The following TIPIN variants were observed in gnomAD, a reference collection of about 807,000 sequenced individuals.
TIPIN encodes TIMELESS-interacting protein.
Under a neutral mutation model 35.6 loss-of-function variants are expected in TIPIN, and 29 were observed. The observed-to-expected ratio is 0.82, with a 90% CI of 0.61 to 1.11. The LOEUF (loss-of-function observed/expected upper bound fraction) is 1.11. TIPIN is among the 50% of genes most tolerant of loss of function. TIPIN has a pLI of 0.00. For synonymous variants in TIPIN, 102 were observed against 121.5 expected (o/e 0.84, Z 1.06); for missense variants, 296 against 345.4 (o/e 0.86, Z 1.13).
chr15:66,381,683 A>G (rs757626657), intron 1 of TIPIN, among the ~76,000 whole-genome samples: 2 of 152,206 alleles, frequency 1.3e-5, no homozygotes, highest in Non-Finnish European at 2.9e-5. Context: ...TAATTTCTTT[A>G]CAAGAGAATC....
intron 1 of TIPIN, among the ~76,000 whole-genome samples, chr15:66,375,579 C>G (rs1271910795): frequency 1.3e-5 from 2 of 149,048 alleles, no homozygotes; most frequent in Non-Finnish European, 3.0e-5. Context: ...TGGCTTATAC[C>G]TGTAATCCCA....
chr15:66,355,911 A>G (rs1367481134), intron 1 of TIPIN, among the ~76,000 whole-genome samples: 1 of 152,158 alleles, frequency 6.6e-6, no homozygotes, highest in Non-Finnish European at 1.5e-5. Context: ...CTGGCCAAGC[A>G]TGGGGTGGGG....
At chr15:66,345,383 G>A (rs2093117710) in intron 6 of TIPIN, among the ~76,000 whole-genome samples, 1 of 152,060 alleles carries the variant, frequency 6.6e-6, no homozygotes, top group African/African-American at 2.4e-5. Context: ...AGACCAGCTT[G>A]GGCAACATAG....
At chr15:66,340,170 C>T (rs575019624) in intron 7 of TIPIN, among the ~76,000 whole-genome samples, 1 of 113,884 alleles carries the variant, frequency 8.8e-6, no homozygotes, top group East Asian at 2.3e-4. Flanking sequence ...CTGCGCCTGG[C>T]CTTTTTTTTT....
intron 1 of TIPIN, among the ~76,000 whole-genome samples, chr15:66,386,004 C>G (rs1274030633): frequency 4.6e-5 from 7 of 152,042 alleles, no homozygotes; most frequent in Non-Finnish European, 1.0e-4. Flanking sequence ...CTCCTGGGCT[C>G]AAGTGATCCT....
chr15:66,351,489 A>T, intron 4 of TIPIN, 36 bp downstream of exon 4: 1 of 1,519,404 alleles, frequency 6.6e-7, no homozygotes, highest in South Asian at 1.1e-5. Flanking sequence ...TTGCTATTTT[A>T]AAAAACAAAG....
Position 66,374,795 on chromosome 15 carries a change from T to A in TIPIN, c.-9+11812A>T, listed in dbSNP as rs556491354. Among the ~76,000 whole-genome samples the A allele has an allele frequency of 6.6e-5, 10 of 152,296 alleles. No homozygotes were observed. The East Asian group carries it at 1.9e-3, about 29-fold the overall frequency. ...CGGGGTTTCACCATATTGCCCAGGCTGGTTTCCAACTCCTGACCTCAGGTG... is the reference window on the plus strand; with the variant it reads ...CGGGGTTTCACCATATTGCCCAGGCAGGTTTCCAACTCCTGACCTCAGGTG... On this transcript the variant is annotated intron_variant, in intron 1 of 7. Transcript: ENST00000562124.
chr15:66,352,714 C>T (rs2093176307), intron 2 of TIPIN, 101 bp downstream of exon 2: 6 of 1,315,658 alleles, frequency 4.6e-6, no homozygotes, highest in Non-Finnish European at 6.0e-6. Flanking sequence ...AATTCCTGAC[C>T]TTGTGATCCG....
intron 1 of TIPIN, among the ~76,000 whole-genome samples, chr15:66,375,499 T>TTTTATA (rs1363329440): frequency 1.5e-5 from 2 of 132,840 alleles, no homozygotes; most frequent in Non-Finnish European, 1.6e-5. Flanking sequence ...ATTGGAAAAG[T>TTTTATA]TATATATATA....
intron 7 of TIPIN, among the ~76,000 whole-genome samples, chr15:66,337,766 C>CAAAA (rs199560907): frequency 1.5e-5 from 1 of 67,846 alleles, no homozygotes; most frequent in Non-Finnish European, 3.6e-5. Flanking sequence ...AACAAAACAT[C>CAAAA]AAAAAAAATA....
chr15:66,380,406 A>G (rs2093314658), intron 1 of TIPIN, among the ~76,000 whole-genome samples: 1 of 152,098 alleles, frequency 6.6e-6, no homozygotes, highest in Admixed American at 6.6e-5. Flanking sequence ...CCAGATACCT[A>G]TTATGTTCTA....
chr15:66,356,684 C>A lies in TIPIN; in HGVS notation c.-54G>T. 2 of 985,578 alleles carry A rather than the reference C, an allele frequency of 2.0e-6. No homozygotes were observed. The highest frequency in any genetic ancestry group is 2.4e-6 in the Non-Finnish European group (2 of 830,026). 61.1% of individuals were successfully genotyped at this position (985,578 alleles called of 1,614,324 possible). A position where few individuals can be genotyped will look rare whatever the true frequency, so the allele number is the denominator to read the frequency against. Reference sequence around the variant, plus strand: ...CACAGCGCGGACCTCGGCGTGCAGACTAAGCGCGCTTCTCGCGATACTCGG... The same window carrying A: ...CACAGCGCGGACCTCGGCGTGCAGAATAAGCGCGCTTCTCGCGATACTCGG... On this transcript the variant is annotated 5_prime_UTR_variant, in exon 1 of 8. Coordinates refer to ENST00000261881, the MANE Select transcript of TIPIN (RefSeq NM_017858.3).
intron 1 of TIPIN, chr15:66,379,907 G>C (rs2093311768): frequency 6.6e-7 from 1 of 1,525,894 alleles, no homozygotes; most frequent in South Asian, 1.1e-5. Flanking sequence ...TAATGAGAAT[G>C]GTCTTCACTC....
intron 6 of TIPIN, among the ~76,000 whole-genome samples, chr15:66,347,706 C>T (rs995081250): frequency 6.6e-6 from 1 of 152,172 alleles, no homozygotes; most frequent in African/African-American, 2.4e-5. Flanking sequence ...GCCTCAGCCT[C>T]CTGAGTAGCT....
At position 66,349,017 on chromosome 15, in the gene TIPIN, T is replaced by C. The variant is rs765825832; in HGVS notation, c.475+43A>G. On this transcript the variant is annotated intron_variant, in intron 6 of 7. Coordinates refer to ENST00000261881, the MANE Select transcript of TIPIN (RefSeq NM_017858.3). ...ACCACACCCTGCCTAGATCTATTTC[T>C]AAAAGCAAAATTGTTATAAAGTAGA... The C allele has an allele frequency of 5.8e-6, 9 of 1,548,218 alleles. No individual in the cohort carries two copies. In the East Asian group the frequency reaches 2.0e-4, roughly 35 times the overall value.
intron 1 of TIPIN, among the ~76,000 whole-genome samples, chr15:66,366,597 CAA>C (rs757848258): frequency 0.075 from 6,886 of 92,126 alleles, 240 homozygotes; most frequent in Middle Eastern, 0.16. Context: ...ACTAAATATA[CAA>C]AAAAAAAAAA....
chr15:66,370,570 T>C (rs906872139), intron 1 of TIPIN, among the ~76,000 whole-genome samples: 7 of 152,028 alleles, frequency 4.6e-5, no homozygotes, highest in African/African-American at 1.7e-4. Context: ...AGTTACTCAA[T>C]AGGAACAGCT....
chr15:66,346,639 C>T (rs1469338764), intron 6 of TIPIN, among the ~76,000 whole-genome samples: 1 of 152,122 alleles, frequency 6.6e-6, no homozygotes, highest in African/African-American at 2.4e-5. Flanking sequence ...AGCCCTGAAC[C>T]TTTATCACAT....
chr15:66,358,707 G>A (rs562423913), upstream of TIPIN, among the ~76,000 whole-genome samples: 46 of 150,538 alleles, frequency 3.1e-4, no homozygotes, highest in Non-Finnish European at 5.9e-4. Context: ...GTGAGCCACC[G>A]CACCCAGCTA....
Sources: gnomAD v4.1 joint callset for allele counts (sites outside exome capture counted in the v4.1 genomes callset) on GRCh38, gnomAD v4.1.1 for gene constraint, MANE v1.5 for transcripts, NCBI Gene and HGNC (gene_info 2026-07-23, HGNC 2026-07-21) for gene names.